C12orf76: variants seen among roughly 807,000 people sequenced by gnomAD.
C12orf76 encodes uncharacterized protein C12orf76.
A neutral mutation model predicts 6.8 loss-of-function variants in C12orf76; 6 were observed. The observed-to-expected ratio is 0.88, with a 90% CI of 0.48 to 1.73. C12orf76 has a LOEUF of 1.73. Ranked by LOEUF, C12orf76 falls within the 40% of genes most tolerant of loss-of-function variation. C12orf76 has a pLI of 0.01. For synonymous variants in C12orf76, 56 were observed against 43.7 expected (o/e 1.28, Z -1.11); for missense variants, 99 against 98.2 (o/e 1.01, Z -0.03).
At chr12:110,065,390 C>T (rs930216158) in intron 2 of C12orf76, among the ~76,000 whole-genome samples, 14 of 151,966 alleles carry the variant, frequency 9.2e-5, no homozygotes, top group African/African-American at 3.1e-4. Flanking sequence ...AGGCTGGTCT[C>T]GAACTCTTGA....
chr12:110,048,263 C>T (rs1892501297), intron 1 of C12orf76, 100 bp downstream of exon 1: 4 of 1,348,470 alleles, frequency 3.0e-6, no homozygotes, highest in Non-Finnish European at 3.8e-6. Context: ...CCCATCTCCC[C>T]ACTCTATCCC....
At chr12:110,059,994 T>G (rs1892742138) in intron 2 of C12orf76, among the ~76,000 whole-genome samples, 3 of 152,146 alleles carry the variant, frequency 2.0e-5, no homozygotes, top group Non-Finnish European at 4.4e-5. Flanking sequence ...GAAGATAATT[T>G]TCATTTACCA....
At chr12:110,051,904 CTTTTTT>C (rs567991255), upstream of C12orf76, among the ~76,000 whole-genome samples, 2 of 100,682 alleles carry the variant, frequency 2.0e-5, no homozygotes, top group African/African-American at 3.6e-5. Flanking sequence ...GGCAGCTACT[CTTTTTT>C]TTTTTTTTTT....
chr12:110,051,880 A>G (rs1410523708), upstream of C12orf76, among the ~76,000 whole-genome samples: 5 of 150,418 alleles, frequency 3.3e-5, no homozygotes, highest in Non-Finnish European at 7.4e-5. Context: ...TGCTTTATCA[A>G]TAACATTGAA....
At chr12:110,067,584 C>A (rs768903988) in exon 1 of C12orf76, 1 of 985,390 alleles carries the variant, frequency 1.0e-6, no homozygotes, top group Non-Finnish European at 1.2e-6. Flanking sequence ...CACACTGCTC[C>A]GTCATCTTCT....
At chr12:110,063,858 G>C (rs1011282755) in intron 2 of C12orf76, among the ~76,000 whole-genome samples, 4 of 151,912 alleles carry the variant, frequency 2.6e-5, no homozygotes, top group Non-Finnish European at 5.9e-5. Flanking sequence ...TGTGAGCCAA[G>C]ATCACGCCAC....
chr12:110,050,678 A>C, upstream of C12orf76: 2 of 353,426 alleles, frequency 5.7e-6, no homozygotes, highest in South Asian at 7.0e-5. Context: ...GGCATGAATA[A>C]TCCACCCCTC....
chr12:110,068,328 GA>G (rs1335230231), upstream of C12orf76, among the ~76,000 whole-genome samples: 372 of 129,488 alleles, frequency 2.9e-3, 5 homozygotes, highest in African/African-American at 9.4e-3. Flanking sequence ...AGAAGAAGAA[GA>G]AGGCGGCCAA....
chr12:110,055,272 G>A (rs185359231), intron 4 of C12orf76, among the ~76,000 whole-genome samples: 28 of 149,360 alleles, frequency 1.9e-4, no homozygotes, highest in Non-Finnish European at 3.5e-4. Context: ...GGAGTGCAGT[G>A]GCACTATCTC....
rs1173291181 is a variant in C12orf76 at position 110,042,053 on chromosome 12, C to G, written c.*321G>C. ...TGAGTTCTTTACAGTGTGGTTCTTA[C>G]AGGCACTCACAAGGTTACCATGTTT... On this transcript the variant is annotated 3_prime_UTR_variant, in exon 2 of 2. Coordinates refer to ENST00000615315, the MANE Select transcript of C12orf76 (RefSeq NM_001389625.1). 2.7e-6 allele frequency: 1 copy of G among 366,528 alleles called. No individual in the cohort carries two copies. Among genetic ancestry groups the G allele is most frequent in the Non-Finnish European group, 5.1e-6 (1 of 196,560 alleles). The allele number at this position is 366,528 out of a possible 1,614,324, so 22.7% of individuals were successfully genotyped here. A position where few individuals can be genotyped will look rare whatever the true frequency, so the allele number is the denominator to read the frequency against.
chr12:110,057,425 C>T lies in C12orf76; in HGVS notation n.557-129G>A, dbSNP rs111296049. On this transcript the variant is annotated intron_variant and non_coding_transcript_variant, in intron 3 of 4. Transcript: ENST00000309050. ...ATGGACCCCTAAAGAACAGTGGCGC[C>T]GGGCACTGTGCCTGCAGTGCGGCAC... The T allele has an allele frequency of 9.0e-4, 593 of 661,116 alleles. 4 individuals carry two copies. In the African/African-American group the frequency reaches 9.4e-3, roughly 10 times the overall value. The allele number at this position is 661,116 out of a possible 1,614,324, so 41.0% of individuals were successfully genotyped here.
At position 110,042,379 on chromosome 12, in the gene C12orf76, G is replaced by A. The variant is rs1035906290; in HGVS notation, c.214C>T (p.Arg72Trp). 2.6e-5 allele frequency: 42 copies of A among 1,613,292 alleles called. No homozygotes were observed. The highest frequency in any genetic ancestry group is 9.3e-5 in the African/African-American group (7 of 74,910). ...AFCVYKPIRR[R>W] Reference sequence around the variant, plus strand: ...TTGAAGAACTTGTCTGGCTGTCACCGACGCCGAATGGGCTTGTAGACACAA... The same window carrying A: ...TTGAAGAACTTGTCTGGCTGTCACCAACGCCGAATGGGCTTGTAGACACAA... The change falls in exon 2 of 2, where the codon CGG becomes TGG. Residue 72 changes from arginine to tryptophan, a missense_variant. Transcript: ENST00000615315.
At chr12:110,068,331 G>GAA (rs1566080355), upstream of C12orf76, among the ~76,000 whole-genome samples, 321 of 115,136 alleles carry the variant, frequency 2.8e-3, 5 homozygotes, top group Admixed American at 3.4e-3. Flanking sequence ...AGAAGAAGAA[G>GAA]GCGGCCAAAT....
chr12:110,043,260 T>G (rs1000153304), intron 1 of C12orf76, among the ~76,000 whole-genome samples: 1 of 151,502 alleles, frequency 6.6e-6, no homozygotes, highest in African/African-American at 2.4e-5. Flanking sequence ...AAAGGAAGGC[T>G]GGGGCTGGTC....
chr12:110,048,246 G>T, intron 1 of C12orf76, 117 bp downstream of exon 1: 1 of 1,264,966 alleles, frequency 7.9e-7, no homozygotes, highest in Non-Finnish European at 1.0e-6. Context: ...TGCACCCCCC[G>T]CACTCACCCA....
chr12:110,062,540 T>C (rs959590854), intron 2 of C12orf76, among the ~76,000 whole-genome samples: 1 of 152,132 alleles, frequency 6.6e-6, no homozygotes, highest in African/African-American at 2.4e-5. Flanking sequence ...CTAAAAGTCA[T>C]TGAAATGTGT....
At chr12:110,063,608 TTA>T (rs1491463177) in intron 2 of C12orf76, among the ~76,000 whole-genome samples, 7 of 124,846 alleles carry the variant, frequency 5.6e-5, no homozygotes, top group African/African-American at 2.2e-4. Context: ...TTATTTTTAT[TTA>T]TTTATTTATT....
upstream of C12orf76, among the ~76,000 whole-genome samples, chr12:110,071,263 T>C (rs1892957369): frequency 6.6e-6 from 1 of 152,208 alleles, no homozygotes; most frequent in Non-Finnish European, 1.5e-5. Context: ...CTCCCCATTT[T>C]ACAGATGAGG....
intron 1 of C12orf76, among the ~76,000 whole-genome samples, chr12:110,043,782 G>A (rs1338449525): frequency 6.6e-6 from 1 of 151,852 alleles, no homozygotes; most frequent in East Asian, 1.9e-4. Flanking sequence ...TTGAACCCAG[G>A]AGGCAGAGGT....
Sources: allele counts gnomAD v4.1 joint callset (sites outside exome capture counted in the v4.1 genomes callset), GRCh38; gene constraint gnomAD v4.1.1; transcripts MANE v1.5; gene names NCBI Gene and HGNC (gene_info 2026-07-23, HGNC 2026-07-21).